Variants in CLSTN2 observed in about 807,000 individuals in gnomAD.
CLSTN2 encodes calsyntenin 2.
In CLSTN2, 48 loss-of-function variants were observed where a neutral mutation model predicts 101.2. That is an observed-to-expected ratio of 0.47 (90% CI 0.38 to 0.60). The LOEUF is 0.60. CLSTN2 is among the 20% of genes least tolerant of loss of function. The probability of loss-of-function intolerance (pLI) is 0.00; values close to 1 mark genes in which losing one functional copy is unlikely to be tolerated. For synonymous variants in CLSTN2, 481 were observed against 463.6 expected (o/e 1.04, Z -0.48); for missense variants, 1,160 against 1,238.2 (o/e 0.94, Z 0.95).
intron 8 of CLSTN2, among the ~76,000 whole-genome samples, chr3:140,521,090 T>C (rs748374157): frequency 7.3e-5 from 11 of 151,150 alleles, no homozygotes; most frequent in Non-Finnish European, 8.8e-5. Context: ...CATGCTCCTT[T>C]AGCTCAGCAA....
chr3:140,385,376 T>G (rs1400589792), intron 2 of CLSTN2, among the ~76,000 whole-genome samples: 1 of 143,644 alleles, frequency 7.0e-6, no homozygotes, highest in African/African-American at 2.6e-5. Context: ...TTTTTTTTTT[T>G]TTTTTTTTAT....
intron 8 of CLSTN2, among the ~76,000 whole-genome samples, chr3:140,514,501 A>T (rs1482269994): frequency 6.6e-6 from 1 of 152,128 alleles, no homozygotes; most frequent in Non-Finnish European, 1.5e-5. Context: ...ACATATACAT[A>T]TACTACAATT....
intron 2 of CLSTN2, among the ~76,000 whole-genome samples, chr3:140,282,654 ATCT>A (rs2086859230): frequency 6.6e-6 from 1 of 152,080 alleles, no homozygotes; most frequent in African/African-American, 2.4e-5. Flanking sequence ...ATCATGTGTG[ATCT>A]TCTTGGAGGG....
chr3:140,537,137 G>A (rs1455224147), intron 9 of CLSTN2, among the ~76,000 whole-genome samples: 1 of 152,192 alleles, frequency 6.6e-6, no homozygotes, highest in Non-Finnish European at 1.5e-5. Flanking sequence ...GTTGTGGGGA[G>A]TGTTTCAGGT....
At chr3:140,008,640 T>C (rs142655539) in intron 1 of CLSTN2, among the ~76,000 whole-genome samples, 184 of 152,374 alleles carry the variant, frequency 1.2e-3, no homozygotes, top group Non-Finnish European at 2.2e-3. Context: ...TCAGAGCCAA[T>C]GCTTTGCCTC....
At position 139,949,936 on chromosome 3, in the gene CLSTN2, A is replaced by T. The variant is rs928283066; in HGVS notation, c.109+14453A>T. Among the ~76,000 whole-genome samples, 11 of 152,312 alleles carry T rather than the reference A, an allele frequency of 7.2e-5. No homozygotes were observed. The East Asian group carries it at 1.9e-3, about 27-fold the overall frequency. On this transcript the variant is annotated intron_variant, in intron 1 of 16. Transcript: ENST00000458420. ...AACAATTTGCAATTTGTGATATCAG[A>T]TGCATGTGTGTGTAGAGGCAAGAAG... is the stretch of plus-strand genomic sequence containing the variant.
intron 2 of CLSTN2, among the ~76,000 whole-genome samples, chr3:140,400,231 T>C (rs538805675): frequency 6.6e-6 from 1 of 152,340 alleles, no homozygotes; most frequent in East Asian, 1.9e-4. Flanking sequence ...GTTCTCACTC[T>C]GAGTCCCACT....
chr3:140,428,635 T>C (rs573916521), intron 5 of CLSTN2, among the ~76,000 whole-genome samples: 4 of 152,290 alleles, frequency 2.6e-5, no homozygotes, highest in Non-Finnish European at 4.4e-5. Context: ...TCAGCAGCAA[T>C]TCACACAACA....
rs937792267 is a variant in CLSTN2 at position 140,560,936 on chromosome 3, G to T, written c.2042-1202G>T. ...CTTTTAGATTTTGCTGATTATACAC[G>T]AAACCATTGTGATTGACAAGCATTT... On this transcript the variant is annotated intron_variant, in intron 12 of 16. Transcript: ENST00000458420. 2.0e-5 allele frequency among the ~76,000 whole-genome samples: 3 copies of T among 151,966 alleles called. No individual in the cohort carries two copies. In the East Asian group the frequency reaches 5.8e-4, roughly 29 times the overall value.
chr3:140,294,430 CA>C (rs1389677296), intron 2 of CLSTN2, among the ~76,000 whole-genome samples: 1 of 152,192 alleles, frequency 6.6e-6, no homozygotes, highest in African/African-American at 2.4e-5. Context: ...AGGCAGATGT[CA>C]CCTCCACCAT....
chr3:140,278,419 A>G (rs1040359621), intron 2 of CLSTN2, among the ~76,000 whole-genome samples: 2 of 152,146 alleles, frequency 1.3e-5, no homozygotes, highest in Non-Finnish European at 2.9e-5. Flanking sequence ...TTGCCTGTGA[A>G]GCACTTTCTC....
At chr3:140,353,979 G>A (rs1177742235) in intron 2 of CLSTN2, among the ~76,000 whole-genome samples, 1 of 152,138 alleles carries the variant, frequency 6.6e-6, no homozygotes, top group Admixed American at 6.5e-5. Context: ...CTAAGGCTGA[G>A]CCTACTGGAA....
chr3:140,423,012 T>C (rs2088522713), intron 5 of CLSTN2, among the ~76,000 whole-genome samples: 1 of 152,226 alleles, frequency 6.6e-6, no homozygotes, highest in South Asian at 2.1e-4. Flanking sequence ...AAAGTATATA[T>C]AAACTCTGTA....
intron 4 of CLSTN2, among the ~76,000 whole-genome samples, chr3:140,417,757 T>C (rs939084170): frequency 1.3e-5 from 2 of 152,196 alleles, no homozygotes; most frequent in Admixed American, 6.5e-5. Context: ...AACAGGTGAC[T>C]TTTCTGAGCT....
chr3:140,153,374 C>T (rs1176925512), intron 1 of CLSTN2, among the ~76,000 whole-genome samples: 1 of 152,260 alleles, frequency 6.6e-6, no homozygotes, highest in African/African-American at 2.4e-5. Flanking sequence ...GGAGCCACCT[C>T]CTTGCAGTGA....
chr3:140,493,562 T>C (rs1934391984), intron 8 of CLSTN2, among the ~76,000 whole-genome samples: 3 of 152,326 alleles, frequency 2.0e-5, no homozygotes, highest in Middle Eastern at 6.8e-3. Flanking sequence ...AACCAGGTTC[T>C]GTGGGCCGTC....
intron 8 of CLSTN2, among the ~76,000 whole-genome samples, chr3:140,518,657 A>G (rs1341958158): frequency 6.6e-6 from 1 of 152,164 alleles, no homozygotes; most frequent in Non-Finnish European, 1.5e-5. Flanking sequence ...ACAGTTTTTC[A>G]GCTGTCTCCA....
In CLSTN2 at chr3:140,466,644, C is replaced by T; in HGVS notation, c.1257C>T (p.His419=). The change falls in exon 8 of 17, where the codon CAC becomes CAT. Residue 419 remains histidine (H), a synonymous_variant. Coordinates refer to ENST00000458420, the MANE Select transcript of CLSTN2 (RefSeq NM_022131.3). ...MNRHHYALYV[H]NCRLVFLLRK... ...GGCATCACTATGCCCTGTATGTGCACAACTGCCGCCTCGTCTTTCTCTTGC... is the reference window on the plus strand; with the variant it reads ...GGCATCACTATGCCCTGTATGTGCATAACTGCCGCCTCGTCTTTCTCTTGC... 2 of 1,614,188 alleles carry T rather than the reference C, an allele frequency of 1.2e-6. No homozygotes were observed. The highest frequency in any genetic ancestry group is 2.2e-5 in the East Asian group (1 of 44,874).
chr3:140,419,190 T>C (rs2088465427), intron 4 of CLSTN2, among the ~76,000 whole-genome samples: 1 of 151,590 alleles, frequency 6.6e-6, no homozygotes, highest in Non-Finnish European at 1.5e-5. Flanking sequence ...TATAAAAATA[T>C]ACCTGAGTCA....
Sources: gnomAD v4.1 joint callset for allele counts (sites outside exome capture counted in the v4.1 genomes callset) on GRCh38, gnomAD v4.1.1 for gene constraint, MANE v1.5 for transcripts, NCBI Gene and HGNC (gene_info 2026-07-23, HGNC 2026-07-21) for gene names.